Variants in LRRK2 observed in about 807,000 individuals in gnomAD.
LRRK2 encodes the protein leucine-rich repeat serine/threonine-protein kinase 2.
Under a neutral mutation model 302.6 loss-of-function variants are expected in LRRK2, and 203 were observed. The ratio of observed to expected loss-of-function variants is 0.67; its 90% confidence interval spans 0.60 to 0.75. The LOEUF is 0.75. Among genes scored for constraint, LRRK2 ranks in the 30% least tolerant of loss-of-function variants. LRRK2 has a pLI of 0.00. For synonymous variants in LRRK2, 1,066 were observed against 1,031.9 expected, an observed-to-expected ratio of 1.03 and a Z score of -0.63; for missense variants, 2,830 against 2,951.0, an observed-to-expected ratio of 0.96 and a Z score of 0.95.
At chr12:40,287,069 G>A (rs781487969) in intron 19 of LRRK2, among the ~76,000 whole-genome samples, 24 of 151,954 alleles carry the variant, frequency 1.6e-4, no homozygotes, top group Non-Finnish European at 2.7e-4. Flanking sequence ...ACACAGGCCT[G>A]TCTGGCTTCA....
At chr12:40,247,028 C>A (rs903273463) in intron 7 of LRRK2, among the ~76,000 whole-genome samples, 4 of 152,138 alleles carry the variant, frequency 2.6e-5, no homozygotes, top group South Asian at 2.1e-4. Flanking sequence ...AAAGGATAAC[C>A]AGGAATATTT....
intron 40 of LRRK2, among the ~76,000 whole-genome samples, chr12:40,336,714 A>T (rs545629317): frequency 1.3e-4 from 20 of 152,324 alleles, no homozygotes; most frequent in Admixed American, 8.5e-4. Context: ...ATGAAATGAA[A>T]CAGGGTGCAG....
chr12:40,305,853 A>T lies in LRRK2; in HGVS notation c.3846A>T (p.Arg1282Ser), dbSNP rs886344692. 2.0e-5 allele frequency: 33 copies of T among 1,613,480 alleles called. No individual in the cohort carries two copies. The highest frequency in any genetic ancestry group is 4.0e-5 in the African/African-American group (3 of 74,874). ...ATGTCAGTTACAACTTGGAACTAAG[A>T]TCCTTTCCCAATGAAATGGGGAAAT... ...SLDVSYNLEL[R>S]SFPNEMGKLS... The change falls in exon 28 of 51, where the codon AGA (arginine) becomes AGT (serine). Residue 1282 changes from arginine (R) to serine (S), a missense_variant. Physicochemically the swap from Arg to Ser is moderately radical, Grantham distance 110. Around this residue, in one of 3 missense-constraint regions of LRRK2, gnomAD observed 2,121 missense variants for 2,148.0 expected, o/e 0.99. Transcript: ENST00000298910.
intron 41 of LRRK2, 142 bp downstream of exon 41, chr12:40,340,596 C>T: frequency 7.0e-6 from 6 of 862,850 alleles, no homozygotes; most frequent in Non-Finnish European, 7.6e-6. Context: ...ATGCAAGCAT[C>T]ACATTGTGAT....
intron 43 of LRRK2, among the ~76,000 whole-genome samples, chr12:40,349,316 G>A (rs1946285643): frequency 6.6e-6 from 1 of 151,902 alleles, no homozygotes; most frequent in African/African-American, 2.4e-5. Flanking sequence ...GCTTTATAAT[G>A]ATCTCCTCTC....
Position 40,274,684 on chromosome 12 carries a change from G to A in LRRK2, c.1758G>A (p.Met586Ile). ...ALEMLSLEGA[M>I]DSVLHTLQMY... ...AGATGTTATCCCTGGAAGGTGCTAT[G>A]GATTCAGTGCTTCACACACTGCAGA... Residue 586 changes from methionine to isoleucine, a missense_variant, in exon 15 of 51, where the codon ATG becomes ATA. This residue lies in a region of LRRK2 where 2,121 missense variants were observed against 2,148.0 expected (regional missense o/e 0.99). Coordinates refer to ENST00000298910, the MANE Select transcript of LRRK2 (RefSeq NM_198578.4). The A allele has an allele frequency of 1.9e-6, 3 of 1,613,988 alleles. No individual in the cohort carries two copies. The highest frequency in any genetic ancestry group is 2.5e-6 in the Non-Finnish European group (3 of 1,179,922).
chr12:40,356,057 G>C (rs1592335223), intron 45 of LRRK2, 58 bp from the exon 46 acceptor site: 1 of 1,135,434 alleles, frequency 8.8e-7, no homozygotes, highest in Non-Finnish European at 1.3e-6. Flanking sequence ...GAACATTAAG[G>C]CCATTTTAGT....
chr12:40,275,054 T>G (rs781575980), intron 16 of LRRK2, 61 bp downstream of exon 16: 4 of 1,587,980 alleles, frequency 2.5e-6, no homozygotes, highest in African/African-American at 2.7e-5. Context: ...TTGGAGCAGT[T>G]TGTGTAATTC....
chr12:40,234,864 G>A (rs1040455540), intron 3 of LRRK2, among the ~76,000 whole-genome samples: 2 of 151,850 alleles, frequency 1.3e-5, no homozygotes, highest in African/African-American at 4.8e-5. Context: ...GTTTGCTCTC[G>A]ATGTATATAA....
At chr12:40,267,602 C>A (rs1943072445) in intron 14 of LRRK2, among the ~76,000 whole-genome samples, 1 of 152,148 alleles carries the variant, frequency 6.6e-6, no homozygotes, top group African/African-American at 2.4e-5. Context: ...TTTGTTCCAA[C>A]TGAGAAGAAA....
chr12:40,234,632 G>A (rs536400490), intron 3 of LRRK2, among the ~76,000 whole-genome samples: 102 of 151,966 alleles, frequency 6.7e-4, no homozygotes, highest in Admixed American at 1.3e-3. Flanking sequence ...CCGCCTCGGC[G>A]TCCCAAAGTG....
intron 3 of LRRK2, 59 bp downstream of exon 3, chr12:40,232,442 A>G: frequency 2.5e-6 from 3 of 1,197,918 alleles, no homozygotes; most frequent in Non-Finnish European, 3.7e-6. Flanking sequence ...ACACATGACA[A>G]CCTTCCCTTG....
intron 19 of LRRK2, among the ~76,000 whole-genome samples, chr12:40,286,052 G>T (rs1209093463): frequency 3.3e-5 from 5 of 151,868 alleles, no homozygotes; most frequent in Non-Finnish European, 1.5e-5. Context: ...GGAATTGTGG[G>T]CCCATTGGAG....
intron 40 of LRRK2, among the ~76,000 whole-genome samples, chr12:40,336,921 A>T (rs1330608246): frequency 6.6e-6 from 1 of 152,162 alleles, no homozygotes; most frequent in Non-Finnish European, 1.5e-5. Context: ...AAGAATTGCT[A>T]TTTTTTAACA....
intron 18 of LRRK2, among the ~76,000 whole-genome samples, chr12:40,280,611 C>A (rs1409804182): frequency 2.6e-5 from 2 of 75,774 alleles, no homozygotes; most frequent in East Asian, 8.8e-4. Flanking sequence ...GGCAACAGAG[C>A]CAGACCCTGT....
At chr12:40,328,331 T>G in intron 38 of LRRK2, 29 bp from the exon 39 acceptor site, 1 of 1,576,734 alleles carries the variant, frequency 6.3e-7, no homozygotes. Flanking sequence ...ACAGCTTAAT[T>G]TAAGTGCTTT....
chr12:40,225,454 G>T (rs377187757), intron 1 of LRRK2, 101 bp from the exon 2 acceptor site: 22 of 1,278,248 alleles, frequency 1.7e-5, no homozygotes, highest in East Asian at 7.1e-5. Flanking sequence ...TTTCAGGAAG[G>T]TCTTCACCTT....
At chr12:40,320,298 T>G (rs1945360755) in intron 34 of LRRK2, 123 bp downstream of exon 34, 2 of 748,560 alleles carry the variant, frequency 2.7e-6, no homozygotes, top group Non-Finnish European at 2.1e-6. Flanking sequence ...GCTTCTAGTG[T>G]AAACCTCCTA....
intron 3 of LRRK2, 97 bp from the exon 4 acceptor site, chr12:40,235,529 G>T: frequency 1.3e-6 from 1 of 762,478 alleles, no homozygotes; most frequent in Non-Finnish European, 2.3e-6. Flanking sequence ...TAAATACAAT[G>T]AGAGTAATAA....
Sources: gnomAD v4.1 joint callset for allele counts (sites outside exome capture counted in the v4.1 genomes callset) on GRCh38, gnomAD v4.1.1 for gene constraint, gnomAD v4.1.1 regional missense constraint, MANE v1.5 for transcripts, NCBI Gene and HGNC (gene_info 2026-07-23, HGNC 2026-07-21) for gene names.